The following C20orf96 variants were observed in gnomAD, a reference collection of about 807,000 sequenced individuals.
C20orf96 encodes the protein uncharacterized protein C20orf96.
In C20orf96, 57 loss-of-function variants were observed where a neutral mutation model predicts 52.6. The observed-to-expected ratio is 1.08, with a 90% CI of 0.88 to 1.35. The LOEUF is 1.35. Ranked by LOEUF, C20orf96 falls within the 40% of genes most tolerant of loss-of-function variation. The pLI, the probability that C20orf96 is intolerant of heterozygous loss-of-function variation, is 0.00. For missense variants in C20orf96, 478 were observed against 443.6 expected, an observed-to-expected ratio of 1.08 and a Z score of -0.70; for synonymous variants, 168 against 157.2, an observed-to-expected ratio of 1.07 and a Z score of -0.51.
intron 3 of C20orf96, among the ~76,000 whole-genome samples, chr20:287,421 T>C (rs2012415658): frequency 6.6e-6 from 1 of 152,236 alleles, no homozygotes; most frequent in Admixed American, 6.5e-5. Flanking sequence ...GCTAATGATG[T>C]TGAACATCTT....
intron 10 of C20orf96, among the ~76,000 whole-genome samples, chr20:272,354 T>C (rs1317354882): frequency 6.6e-6 from 1 of 151,716 alleles, no homozygotes; most frequent in Non-Finnish European, 1.5e-5. Context: ...CCAAGTCAAC[T>C]GTATGGTTTT....
In C20orf96 at chr20:290,253, A is replaced by C; in HGVS notation, c.69+6T>G. Reference sequence around the variant, plus strand: ...CCCACCCCAGCCCTAGTCCCCCAAGACTCACCGGAACCTGGAACTCCTGGA... The same window carrying C: ...CCCACCCCAGCCCTAGTCCCCCAAGCCTCACCGGAACCTGGAACTCCTGGA... On this transcript the variant is annotated splice_donor_region_variant and intron_variant, in intron 2 of 10. Transcript: ENST00000360321. The C allele has an allele frequency of 6.2e-7, 1 of 1,610,524 alleles. No individual in the cohort carries two copies. The highest frequency in any genetic ancestry group is 8.5e-7 in the Non-Finnish European group (1 of 1,178,022).
chr20:284,151 G>T, intron 3 of C20orf96, 70 bp from the exon 4 acceptor site: 1 of 1,164,958 alleles, frequency 8.6e-7, no homozygotes. Context: ...GTTCCCGGGA[G>T]TGCACCATTA....
chr20:276,515 C>G, intron 9 of C20orf96: 3 of 985,380 alleles, frequency 3.0e-6, no homozygotes, highest in Non-Finnish European at 3.6e-6. Flanking sequence ...TAAAGATGCA[C>G]GGTGGTTAAT....
chr20:278,345 T>G lies in C20orf96; in HGVS notation c.550A>C (p.Lys184Gln). The change falls in exon 6 of 11, where the codon AAA becomes CAA. Residue 184 changes from lysine (K) to glutamine (Q), a missense_variant. Physicochemically the swap from Lys to Gln is moderately conservative, Grantham distance 53. Transcript: ENST00000360321. ...GGATTCTTACAGCTCATCTTGCATT[T>G]CTTCTTTTCTTCCCACTCCTGAAGC... Reference protein sequence around the residue: ...SELQEWEEKKKCKMSYLEQQA... With the variant: ...SELQEWEEKKQCKMSYLEQQA... The G allele has an allele frequency of 6.2e-7, 1 of 1,613,778 alleles. No homozygotes were observed. Among genetic ancestry groups the G allele is most frequent in the Non-Finnish European group, 8.5e-7 (1 of 1,179,716 alleles).
At chr20:272,492 A>G (rs986566664) in intron 10 of C20orf96, among the ~76,000 whole-genome samples, 1 of 152,082 alleles carries the variant, frequency 6.6e-6, no homozygotes, top group African/African-American at 2.4e-5. Flanking sequence ...AATAGCTGGG[A>G]CCACAGGCAC....
intron 3 of C20orf96, among the ~76,000 whole-genome samples, chr20:288,718 C>G (rs940657289): frequency 1.3e-5 from 2 of 152,182 alleles, no homozygotes; most frequent in Admixed American, 1.3e-4. Flanking sequence ...CACAGGGGAG[C>G]TGATCTAACA....
chr20:281,655 G>A (rs1225230041), intron 4 of C20orf96, among the ~76,000 whole-genome samples: 1 of 152,200 alleles, frequency 6.6e-6, no homozygotes, highest in Non-Finnish European at 1.5e-5. Flanking sequence ...AAGACTAAGA[G>A]ATGGGCACTA....
At chr20:273,323 G>A (rs553204464) in intron 10 of C20orf96, among the ~76,000 whole-genome samples, 2 of 152,296 alleles carry the variant, frequency 1.3e-5, no homozygotes, top group African/African-American at 4.8e-5. Context: ...ATCTGATCAT[G>A]TGGCTTAAGA....
At chr20:280,099 C>T (rs971685953) in intron 4 of C20orf96, among the ~76,000 whole-genome samples, 2 of 152,110 alleles carry the variant, frequency 1.3e-5, no homozygotes, top group African/African-American at 4.8e-5. Context: ...GCCGCGGAGT[C>T]AATGAGTACT....
chr20:282,738 G>A (rs949495920), intron 4 of C20orf96, among the ~76,000 whole-genome samples: 2 of 152,126 alleles, frequency 1.3e-5, no homozygotes, highest in African/African-American at 4.8e-5. Flanking sequence ...TGGGCGTGGT[G>A]GTGGGCGCCT....
At chr20:279,740 G>A (rs1030910422) in intron 4 of C20orf96, among the ~76,000 whole-genome samples, 1 of 152,152 alleles carries the variant, frequency 6.6e-6, no homozygotes, top group African/African-American at 2.4e-5. Flanking sequence ...GGGAGGCCAA[G>A]GTGGGCCGAT....
rs750461479 is a variant in C20orf96 at position 290,563 on chromosome 20, A to ATTTTTTTT, written c.20+20_20+27dup. ...GCATGCGTATTCCGCCTTTCTTCCA[A>ATTTTTTTT]TTTTTTTTTTTTTTTTTTTTTACCT... is the stretch of plus-strand genomic sequence containing the variant. On this transcript the variant is annotated intron_variant, in intron 1 of 10. Coordinates refer to ENST00000360321, the MANE Select transcript of C20orf96 (RefSeq NM_153269.3). The ATTTTTTTT allele has an allele frequency of 1.4e-3, 1,826 of 1,308,596 alleles. 50 individuals are homozygous for ATTTTTTTT. In the African/African-American group the frequency reaches 0.033, roughly 23 times the overall value. The allele number at this position is 1,308,596 out of a possible 1,614,324, so 81.1% of individuals were successfully genotyped here.
intron 6 of C20orf96, 60 bp from the exon 7 acceptor site, chr20:277,443 G>C (rs1394219646): frequency 6.3e-6 from 10 of 1,587,912 alleles, no homozygotes; most frequent in Non-Finnish European, 8.6e-6. Context: ...TCAAGCACCT[G>C]GGCCCCAGGA....
chr20:276,564 TCATTAGCCAGCATTG>T (rs2012030565), intron 9 of C20orf96: 6 of 985,170 alleles, frequency 6.1e-6, no homozygotes, highest in Middle Eastern at 5.2e-4. Context: ...TGTAAATGGG[TCATTAGCCAGCATTG>T]CTGGCTAATG....
In C20orf96 at chr20:283,962, C is replaced by A; in HGVS notation, c.306+1G>T. ...GTGTCCAGGGAAGATGTGCCTCATACCTTCATTAACCAGATTTTGGCATGC... is the reference window on the plus strand; with the variant it reads ...GTGTCCAGGGAAGATGTGCCTCATAACTTCATTAACCAGATTTTGGCATGC... On this transcript the variant is annotated splice_donor_variant, in intron 4 of 10. Transcript: ENST00000360321. LOFTEE classifies it high-confidence loss of function. 6.2e-7 allele frequency: 1 copy of A among 1,603,312 alleles called. No homozygotes were observed. The highest frequency in any genetic ancestry group is 8.5e-7 in the Non-Finnish European group (1 of 1,170,156).
chr20:271,271 G>A lies in C20orf96; in HGVS notation c.1032-4C>T, dbSNP rs763440877. 16 of 1,552,428 alleles carry A rather than the reference G, an allele frequency of 1.0e-5. No individual in the cohort carries two copies. Among genetic ancestry groups the A allele is most frequent in the African/African-American group, 4.1e-5 (3 of 73,352 alleles). The stretch of plus-strand genomic sequence containing the variant: ...GACATCCATGTCTGGGGTGCACCTG[G>A]TGGGAGGCAGCACAGAAGGCCATGA... On this transcript the variant is annotated splice_polypyrimidine_tract_variant and splice_region_variant and intron_variant, in intron 10 of 10. Coordinates refer to ENST00000360321, the MANE Select transcript of C20orf96 (RefSeq NM_153269.3).
At position 276,767 on chromosome 20, in the gene C20orf96, GACCACC is replaced by G. The variant is rs2012038144; in HGVS notation, c.912+20_912+25del. 1.9e-6 allele frequency: 3 copies of G among 1,606,064 alleles called. No homozygotes were observed. The highest frequency in any genetic ancestry group is 2.6e-6 in the Non-Finnish European group (3 of 1,175,010). On this transcript the variant is annotated intron_variant, in intron 9 of 10. Transcript: ENST00000360321. ...TGCCCATCCACTGCTTCCCTACAGG[GACCACC>G]ACCTTCCTTGCCCACGCACTTCTCT...
chr20:275,539 A>G (rs910904186), intron 10 of C20orf96, among the ~76,000 whole-genome samples: 1 of 152,220 alleles, frequency 6.6e-6, no homozygotes, highest in African/African-American at 2.4e-5. Flanking sequence ...AAGGGCAGGC[A>G]AAGAATTGGT....
Sources: allele counts gnomAD v4.1 joint callset (sites outside exome capture counted in the v4.1 genomes callset), GRCh38; gene constraint gnomAD v4.1.1; transcripts MANE v1.5; gene names NCBI Gene and HGNC (gene_info 2026-07-23, HGNC 2026-07-21).